Variants in SV2B observed in about 807,000 individuals in gnomAD.
The protein encoded by SV2B is solute carrier family 22 member B2.
In SV2B, 41 loss-of-function variants were observed where a neutral mutation model predicts 73.9. The observed-to-expected ratio is 0.56, with a 90% confidence interval of 0.43 to 0.72. SV2B has a LOEUF of 0.72. SV2B is among the 30% of genes least tolerant of loss of function. The pLI, the probability that SV2B is intolerant of heterozygous loss-of-function variation, is 0.00. For missense variants in SV2B, 764 were observed against 857.8 expected (o/e 0.89, Z 1.37); for synonymous variants, 314 against 314.2 (o/e 1.00, Z 0.01).
At chr15:91,228,912 C>A (rs1489227589) in intron 2 of SV2B, among the ~76,000 whole-genome samples, 2 of 152,184 alleles carry the variant, frequency 1.3e-5, no homozygotes, top group African/African-American at 4.8e-5. Context: ...TTCAGAGTCA[C>A]CATGTCGGTT....
chr15:91,169,020 A>AT (rs879417028), intron 1 of SV2B, among the ~76,000 whole-genome samples: 14 of 152,264 alleles, frequency 9.2e-5, no homozygotes, highest in Middle Eastern at 6.8e-3. Context: ...GATGATTTAA[A>AT]TTTTTTTAAT....
intron 1 of SV2B, among the ~76,000 whole-genome samples, chr15:91,201,263 G>A (rs1331049607): frequency 6.6e-6 from 1 of 152,114 alleles, no homozygotes; most frequent in African/African-American, 2.4e-5. Context: ...CATCCGTTGG[G>A]AACCTCATTG....
rs1177080476 is a variant in SV2B at position 91,295,019 on chromosome 15, G to A, written c.*2467G>A. The A allele has an allele frequency of 6.6e-6, 1 of 152,616 alleles. No homozygotes were observed. Among genetic ancestry groups the A allele is most frequent in the Admixed American group, 6.5e-5 (1 of 15,274 alleles). 9.5% of individuals were successfully genotyped at this position (152,616 alleles called of 1,614,324 possible). On this transcript the variant is annotated 3_prime_UTR_variant, in exon 13 of 13. Transcript: ENST00000394232. ...TGCGTCTTTAAAAATAGTCTCTGTG[G>A]CAGGTCACTGGGGGACAATGTACAG...
intron 1 of SV2B, among the ~76,000 whole-genome samples, chr15:91,120,489 T>C (rs2042302234): frequency 6.6e-6 from 1 of 152,120 alleles, no homozygotes; most frequent in East Asian, 1.9e-4. Context: ...CCATATTACT[T>C]TGTCTCTTAA....
intron 10 of SV2B, among the ~76,000 whole-genome samples, chr15:91,282,396 A>C (rs773155744): frequency 1.7e-4 from 26 of 152,228 alleles, no homozygotes; most frequent in Non-Finnish European, 2.5e-4. Flanking sequence ...AAAAAGTCCC[A>C]AAATTCTACC....
At chr15:91,125,454 C>A (rs2042449614) in intron 1 of SV2B, among the ~76,000 whole-genome samples, 1 of 152,072 alleles carries the variant, frequency 6.6e-6, no homozygotes, top group Non-Finnish European at 1.5e-5. Context: ...GCAGTCAGTG[C>A]AAGGAGTGAG....
chr15:91,217,384 A>C (rs1024164019), intron 1 of SV2B, among the ~76,000 whole-genome samples: 29 of 152,288 alleles, frequency 1.9e-4, no homozygotes, highest in African/African-American at 6.7e-4. Flanking sequence ...ATATGTGTGC[A>C]ATGCTATGGG....
At position 91,240,000 on chromosome 15, in the gene SV2B, G is replaced by A. The variant is rs912479115; in HGVS notation, c.452-11819G>A. Among the ~76,000 whole-genome samples the A allele has an allele frequency of 1.3e-5, 2 of 152,206 alleles. No individual in the cohort carries two copies. The highest frequency in any genetic ancestry group is 4.8e-5 in the African/African-American group (2 of 41,460). On this transcript the variant is annotated intron_variant, in intron 2 of 12. Transcript: ENST00000394232. This position sits in a 1 kb window ranked among gnomAD's most constrained non-coding sequence, Gnocchi z 5.1. ...AGAAGAATTGGATGAAGAGGACCTT[G>A]TTGAATGAACTATGATTGATCCCTT...
chr15:91,215,975 G>T (rs963375660), intron 1 of SV2B, among the ~76,000 whole-genome samples: 1 of 151,992 alleles, frequency 6.6e-6, no homozygotes, highest in Non-Finnish European at 1.5e-5. Flanking sequence ...AAATTCGCAG[G>T]GTTTGGTTCT....
rs192590493 is a variant in SV2B at position 91,290,687 on chromosome 15, A to C, written c.1868+1007A>C. ...TCAACTTGACAAGTGAAACACTCAA[A>C]TGAAGAAAACCATAAAGCTTTACTA... On this transcript the variant is annotated intron_variant, in intron 12 of 12. Transcript: ENST00000394232. This position sits in a 1 kb window ranked among gnomAD's most constrained non-coding sequence, Gnocchi z 4.7. Among the ~76,000 whole-genome samples the C allele has an allele frequency of 3.7e-4, 57 of 152,328 alleles. 1 individual carries two copies. Among genetic ancestry groups the C allele is most frequent in the Admixed American group, 3.3e-3 (50 of 15,310 alleles).
chr15:91,163,975 T>A (rs1458935728), intron 1 of SV2B, among the ~76,000 whole-genome samples: 1 of 152,234 alleles, frequency 6.6e-6, no homozygotes, highest in Non-Finnish European at 1.5e-5. Context: ...TTCAGCTTTC[T>A]ACACATGGCT....
chr15:91,212,227 A>G (rs2045892657), intron 1 of SV2B, among the ~76,000 whole-genome samples: 1 of 152,192 alleles, frequency 6.6e-6, no homozygotes, highest in African/African-American at 2.4e-5. Context: ...GGAAAAACAA[A>G]AGCAAGAATG....
In SV2B at chr15:91,124,422, G is replaced by A. The variant is rs1392000266; in HGVS notation, c.-392+24059G>A. Among the ~76,000 whole-genome samples the A allele has an allele frequency of 3.9e-5, 6 of 152,144 alleles. No homozygotes were observed. Among genetic ancestry groups the A allele is most frequent in the Admixed American group, 3.9e-4 (6 of 15,280 alleles). On this transcript the variant is annotated intron_variant, in intron 1 of 12. Coordinates refer to ENST00000394232, the MANE Select transcript of SV2B (RefSeq NM_001323032.3). The surrounding 1 kb of genome is among the most constrained non-coding windows in gnomAD (Gnocchi z 4.6). The stretch of plus-strand genomic sequence containing the variant: ...ACCGAGTGTGAGGTGCAGCAGCCAA[G>A]AGCCAGTGAGGAAGAGAGCCTGGAG...
intron 1 of SV2B, among the ~76,000 whole-genome samples, chr15:91,151,803 G>C (rs2043320472): frequency 6.6e-6 from 1 of 152,126 alleles, no homozygotes; most frequent in Admixed American, 6.5e-5. Context: ...AAGTGACTTA[G>C]GTCTTCCAGG....
chr15:91,191,986 G>A (rs1301741752), intron 1 of SV2B, among the ~76,000 whole-genome samples: 1 of 151,972 alleles, frequency 6.6e-6, no homozygotes, highest in Admixed American at 6.6e-5. Flanking sequence ...TTTTCTGGCG[G>A]TTACCCTTAG....
At chr15:91,270,323 C>T (rs1479003243) in intron 9 of SV2B, among the ~76,000 whole-genome samples, 3 of 152,172 alleles carry the variant, frequency 2.0e-5, no homozygotes, top group Admixed American at 2.0e-4. Context: ...CCAGGTGCTA[C>T]CTTAAGTGCC....
chr15:91,164,045 A>C (rs186143192), intron 1 of SV2B, among the ~76,000 whole-genome samples: 7 of 151,964 alleles, frequency 4.6e-5, no homozygotes, highest in African/African-American at 9.7e-5. Context: ...TCTTGTTTTT[A>C]TCAGGTTTGT....
rs376089206 is a variant in SV2B, at chr15:91,284,691, C to T, written c.1708+470C>T. Among the ~76,000 whole-genome samples, 11 of 152,142 alleles carry T rather than the reference C, an allele frequency of 7.2e-5. No individual in the cohort carries two copies. In the East Asian group the frequency reaches 1.2e-3, roughly 16 times the overall value. On this transcript the variant is annotated intron_variant, in intron 11 of 12. Coordinates refer to ENST00000394232, the MANE Select transcript of SV2B (RefSeq NM_001323032.3). This position sits in a 1 kb window ranked among gnomAD's most constrained non-coding sequence, Gnocchi z 4.5. Reference sequence around the variant, plus strand: ...ATCCTATCACCGAAAGGCTGTTTGACCTTGAATGTGTTCCTTTACTTCTCT... The same window carrying T: ...ATCCTATCACCGAAAGGCTGTTTGATCTTGAATGTGTTCCTTTACTTCTCT...
intron 9 of SV2B, among the ~76,000 whole-genome samples, chr15:91,279,547 G>A (rs1041585570): frequency 2.0e-5 from 3 of 152,212 alleles, no homozygotes; most frequent in Admixed American, 6.5e-5. Flanking sequence ...TATGTAGAGC[G>A]TCATAAAATA....
Sources: gnomAD v4.1 joint callset for allele counts (sites outside exome capture counted in the v4.1 genomes callset) on GRCh38, gnomAD v4.1.1 for gene constraint, Gnocchi (gnomAD v3.1) non-coding constraint, MANE v1.5 for transcripts, NCBI Gene and HGNC (gene_info 2026-07-23, HGNC 2026-07-21) for gene names.